ATRIP: variants seen among roughly 807,000 people sequenced by gnomAD.
The protein encoded by ATRIP is ATR-interacting protein.
In ATRIP, 44 loss-of-function variants were observed where a neutral mutation model predicts 78.1. The observed-to-expected ratio is 0.56, with a 90% CI of 0.44 to 0.72. The LOEUF (loss-of-function observed/expected upper bound fraction) is 0.72, where lower values mean the gene tolerates loss of function less well. ATRIP is among the 30% of genes least tolerant of loss of function. ATRIP has a pLI of 0.00. For synonymous variants in ATRIP, 388 were observed against 408.9 expected (o/e 0.95, Z 0.62); for missense variants, 927 against 980.2 (o/e 0.95, Z 0.72).
Position 48,446,856 on chromosome 3 carries a change from C to A in ATRIP, c.11C>A (p.Thr4Asn). MAG[T>N]SAPGSKRRSE... ...GGGTGAGCGGAAAGCATGGCGGGGA[C>A]CTCCGCGCCAGGCAGCAAGAGGCGG... is the stretch of plus-strand genomic sequence containing the variant. Residue 4 changes from threonine to asparagine, a missense_variant, in exon 1 of 13, where the codon ACC (threonine) becomes AAC (asparagine). Physicochemically the swap from Thr to Asn is moderately conservative, Grantham distance 65. Transcript: ENST00000320211. The A allele has an allele frequency of 7.1e-7, 1 of 1,402,038 alleles. No homozygotes were observed. The highest frequency in any genetic ancestry group is 1.9e-5 in the South Asian group (1 of 53,570). 86.8% of individuals were successfully genotyped at this position (1,402,038 alleles called of 1,614,324 possible). A position where few individuals can be genotyped will look rare whatever the true frequency, so the allele number is the denominator to read the frequency against.
At chr3:48,461,960 C>T (rs910757929) in intron 8 of ATRIP, among the ~76,000 whole-genome samples, 2 of 152,146 alleles carry the variant, frequency 1.3e-5, no homozygotes, top group Non-Finnish European at 2.9e-5. Context: ...CCTGCCTTGG[C>T]CTGCCAAAGT....
Position 48,465,685 on chromosome 3 carries a change from T to C in ATRIP, c.*131T>C, listed in dbSNP as rs2040265446. On this transcript the variant is annotated 3_prime_UTR_variant, in exon 13 of 13. Coordinates refer to ENST00000320211, the MANE Select transcript of ATRIP (RefSeq NM_130384.3). The stretch of plus-strand genomic sequence containing the variant: ...CCTTGTTTCCTGAGTCTGATCTGTT[T>C]GGCGGAGTGGGAGGGGTGGAGCAGG... 1.1e-6 allele frequency: 1 copy of C among 936,002 alleles called. No homozygotes were observed. The highest frequency in any genetic ancestry group is 1.6e-6 in the Non-Finnish European group (1 of 618,022). The allele number at this position is 936,002 out of a possible 1,614,324, so 58.0% of individuals were successfully genotyped here.
intron 10 of ATRIP, 72 bp from the exon 11 acceptor site, chr3:48,464,510 G>A (rs1312499997): frequency 4.0e-6 from 6 of 1,487,590 alleles, no homozygotes; most frequent in African/African-American, 1.4e-5. Flanking sequence ...AACTCTTATA[G>A]AAGCTTAAGA....
chr3:48,465,521 C>T lies in ATRIP; in HGVS notation c.2343C>T (p.Thr781=), dbSNP rs776600109. Residue 781 remains threonine, a synonymous_variant, in exon 13 of 13, where the codon ACC becomes ACT. Coordinates refer to ENST00000320211, the MANE Select transcript of ATRIP (RefSeq NM_130384.3). ...TGGATGACCTCTGTGCCGCGGAAAC[C>T]GATGTGGAAGACCCCGAGGTGGAGT... ...AALDDLCAAE[T]DVEDPEVECG 5.6e-6 allele frequency: 9 copies of T among 1,613,730 alleles called. No individual in the cohort carries two copies. The highest frequency in any genetic ancestry group is 4.0e-5 in the African/African-American group (3 of 74,926).
chr3:48,467,346 C>T lies in ATRIP; in HGVS notation c.*1792C>T, dbSNP rs755940725. The T allele has an allele frequency of 2.5e-6, 4 of 1,614,164 alleles. No individual in the cohort carries two copies. Among genetic ancestry groups the T allele is most frequent in the Non-Finnish European group, 3.4e-6 (4 of 1,180,032 alleles). Reference sequence around the variant, plus strand: ...CGCCAGGCCTTTCGGCACCATCAGGCCCATGTATGGGGTCACAGCCTCTGC... The same window carrying T: ...CGCCAGGCCTTTCGGCACCATCAGGTCCATGTATGGGGTCACAGCCTCTGC... On this transcript the variant is annotated 3_prime_UTR_variant, in exon 13 of 13. Coordinates refer to ENST00000320211, the MANE Select transcript of ATRIP (RefSeq NM_130384.3).
chr3:48,457,505 T>A, intron 5 of ATRIP, 89 bp downstream of exon 5: 1 of 1,076,882 alleles, frequency 9.3e-7, no homozygotes, highest in South Asian at 2.8e-5. Flanking sequence ...CCAATTTCTG[T>A]GATCAGCAAT....
chr3:48,456,393 A>G (rs2039955044), intron 4 of ATRIP, among the ~76,000 whole-genome samples: 1 of 152,078 alleles, frequency 6.6e-6, no homozygotes, highest in Non-Finnish European at 1.5e-5. Context: ...AGCCTAGGCA[A>G]CATGGTGAAA....
intron 2 of ATRIP, among the ~76,000 whole-genome samples, chr3:48,451,217 A>C (rs955556561): frequency 1.2e-4 from 18 of 150,692 alleles, no homozygotes; most frequent in African/African-American, 4.4e-4. Flanking sequence ...TGGTCAGGCA[A>C]GGTGGCTCAT....
At chr3:48,453,532 T>C (rs1331229984) in intron 3 of ATRIP, among the ~76,000 whole-genome samples, 1 of 152,180 alleles carries the variant, frequency 6.6e-6, no homozygotes, top group Non-Finnish European at 1.5e-5. Context: ...AGAAAGGTTG[T>C]TGGGAGACTC....
At chr3:48,458,810 A>G (rs1331810538) in intron 5 of ATRIP, among the ~76,000 whole-genome samples, 1 of 152,100 alleles carries the variant, frequency 6.6e-6, no homozygotes, top group Non-Finnish European at 1.5e-5. Context: ...CCATCATAAC[A>G]CTTCTGAGAA....
chr3:48,465,444 G>A (rs1196126589), intron 12 of ATRIP, 43 bp from the exon 13 acceptor site: 3 of 1,585,798 alleles, frequency 1.9e-6, no homozygotes, highest in Non-Finnish European at 8.6e-7. Flanking sequence ...CTAGGCCCTG[G>A]CACCTTTGGG....
intron 5 of ATRIP, 147 bp from the exon 6 acceptor site, chr3:48,459,212 G>A (rs2040032244): frequency 3.3e-6 from 2 of 611,096 alleles, no homozygotes; most frequent in African/African-American, 1.9e-5. Flanking sequence ...GGTAAAAGAT[G>A]CAGGGCTCTT....
rs747706314 is a variant in ATRIP, at chr3:48,460,688, T to C, written c.1634T>C (p.Leu545Pro). The C allele has an allele frequency of 2.1e-5, 34 of 1,614,132 alleles. No homozygotes were observed. Among genetic ancestry groups the C allele is most frequent in the Non-Finnish European group, 2.9e-5 (34 of 1,179,938 alleles). Reference sequence around the variant, plus strand: ...CCACTGTTGAAGATGCTTCTTCACCTGTTGGCTTTCTCTTCTGCAGCAACA... The same window carrying C: ...CCACTGTTGAAGATGCTTCTTCACCCGTTGGCTTTCTCTTCTGCAGCAACA... ...QHPLLKMLLH[L>P]LAFSSAATGH... Residue 545 changes from leucine to proline, a missense_variant, in exon 8 of 13, where the codon CTG becomes CCG. Transcript: ENST00000320211.
Position 48,466,300 on chromosome 3 carries a change from G to A in ATRIP, c.*746G>A. On this transcript the variant is annotated 3_prime_UTR_variant, in exon 13 of 13. Coordinates refer to ENST00000320211, the MANE Select transcript of ATRIP (RefSeq NM_130384.3). ...CCGAGTCACTACTGCCTGCCTGCCT[G>A]CCTGCTACGGTGAGTGTGGCCCCCA... is the stretch of plus-strand genomic sequence containing the variant. 1 of 715,916 alleles carries A rather than the reference G, an allele frequency of 1.4e-6. No homozygotes were observed. Among genetic ancestry groups the A allele is most frequent in the Non-Finnish European group, 2.4e-6 (1 of 411,148 alleles). The allele number at this position is 715,916 out of a possible 1,614,324, so 44.3% of individuals were successfully genotyped here.
In ATRIP at chr3:48,466,577, C is replaced by G. The variant is rs375299757; in HGVS notation, c.*1023C>G. 50 of 1,613,888 alleles carry G rather than the reference C, an allele frequency of 3.1e-5. No individual in the cohort carries two copies. Among genetic ancestry groups the G allele is most frequent in the Non-Finnish European group, 4.1e-5 (48 of 1,179,988 alleles). ...GCCCACCCCCTACCCCACTCCCTCC[C>G]CTTCGGATCTTAACACTGGGCACTC... On this transcript the variant is annotated 3_prime_UTR_variant, in exon 13 of 13. Transcript: ENST00000320211.
At chr3:48,453,389 T>A (rs1435452218) in intron 3 of ATRIP, among the ~76,000 whole-genome samples, 1 of 152,222 alleles carries the variant, frequency 6.6e-6, no homozygotes, top group East Asian at 1.9e-4. Flanking sequence ...TCTGTATAAG[T>A]GATGAAGAGC....
rs1158473374 is a variant in ATRIP at position 48,450,150 on chromosome 3, T to C, written c.361T>C (p.Tyr121His). ...CGAATTAGAGGTACTTCAGGCACAA[T>C]ACAAAGAACTTAAAGAAAAGGTAAG... Reference protein sequence around the residue: ...NFELEVLQAQYKELKEKMKVM... With the variant: ...NFELEVLQAQHKELKEKMKVM... The change falls in exon 2 of 13, where the codon TAC (tyrosine) becomes CAC (histidine). Residue 121 changes from tyrosine to histidine, a missense_variant. Tyr to His is a moderately conservative substitution (Grantham distance 83). Transcript: ENST00000320211. 6.2e-7 allele frequency: 1 copy of C among 1,609,018 alleles called. No homozygotes were observed. Among genetic ancestry groups the C allele is most frequent in the Non-Finnish European group, 8.5e-7 (1 of 1,178,536 alleles).
In ATRIP at chr3:48,452,916, ACT is replaced by A. The variant is rs571219498; in HGVS notation, c.552+1022_552+1023del. ...TTTTTGAGACAGGGTCCAGGGTTTC[ACT>A]CTCTTGCCCAGGCTGGAGTGCAGTG... On this transcript the variant is annotated intron_variant, in intron 3 of 12. Transcript: ENST00000320211. Among the ~76,000 whole-genome samples, 4 of 128,800 alleles carry A rather than the reference ACT, an allele frequency of 3.1e-5. 1 individual carries two copies. The South Asian group carries it at 9.4e-4, about 30-fold the overall frequency. 84.5% of individuals were successfully genotyped at this position (128,800 alleles called of 152,430 possible). A position where few individuals can be genotyped will look rare whatever the true frequency, so the allele number is the denominator to read the frequency against.
At chr3:48,449,234 T>G (rs2039765688) in intron 1 of ATRIP, among the ~76,000 whole-genome samples, 1 of 151,514 alleles carries the variant, frequency 6.6e-6, no homozygotes, top group Admixed American at 6.6e-5. Flanking sequence ...GCCAATATGG[T>G]GAAACCCCGT....
Sources: gnomAD v4.1 joint callset for allele counts (sites outside exome capture counted in the v4.1 genomes callset) on GRCh38, gnomAD v4.1.1 for gene constraint, MANE v1.5 for transcripts, NCBI Gene and HGNC (gene_info 2026-07-23, HGNC 2026-07-21) for gene names.